BMPER: variants seen among roughly 807,000 people sequenced by gnomAD.
The protein encoded by BMPER is BMP binding endothelial regulator, also known as BMP-binding endothelial regulator protein.
BMPER carries 45 observed loss-of-function variants against 87.3 expected under a neutral mutation model. That is an observed-to-expected ratio of 0.52 (90% CI 0.41 to 0.66). The LOEUF (loss-of-function observed/expected upper bound fraction) is 0.66. Among genes scored for constraint, BMPER ranks in the 30% least tolerant of loss-of-function variants. BMPER has a pLI of 0.00. For synonymous variants in BMPER, 326 were observed against 316.2 expected (o/e 1.03, Z -0.33); for missense variants, 784 against 867.5 (o/e 0.90, Z 1.21).
chr7:33,992,090 T>A (rs553142674), intron 6 of BMPER, among the ~76,000 whole-genome samples: 27 of 152,204 alleles, frequency 1.8e-4, no homozygotes, highest in African/African-American at 6.3e-4. Flanking sequence ...TAAAGTATAT[T>A]CTGTTGATTT....
At chr7:34,110,732 A>C (rs899463872) in intron 13 of BMPER, among the ~76,000 whole-genome samples, 1 of 152,202 alleles carries the variant, frequency 6.6e-6, no homozygotes, top group Non-Finnish European at 1.5e-5. Flanking sequence ...CCCCAAAACT[A>C]TTCTTTCCAA....
intron 13 of BMPER, among the ~76,000 whole-genome samples, chr7:34,110,204 C>T (rs1789923623): frequency 6.6e-6 from 1 of 152,108 alleles, no homozygotes; most frequent in African/African-American, 2.4e-5. Context: ...TTCTCGTGGG[C>T]AAAGGACACC....
At chr7:33,943,952 G>A (rs1226054017) in intron 3 of BMPER, among the ~76,000 whole-genome samples, 2 of 152,062 alleles carry the variant, frequency 1.3e-5, no homozygotes, top group African/African-American at 2.4e-5. Context: ...TTGCTGTTGT[G>A]TTTTCTACAA....
At chr7:34,120,542 G>C (rs910332022) in intron 13 of BMPER, among the ~76,000 whole-genome samples, 1 of 152,126 alleles carries the variant, frequency 6.6e-6, no homozygotes, top group Non-Finnish European at 1.5e-5. Context: ...GGAATTACAG[G>C]CGTGCACCAT....
intron 13 of BMPER, among the ~76,000 whole-genome samples, chr7:34,090,377 T>C (rs1212865752): frequency 6.6e-6 from 1 of 152,196 alleles, no homozygotes; most frequent in East Asian, 1.9e-4. Context: ...CTTTTTCATC[T>C]CATATTCATC....
chr7:33,918,812 G>A (rs1408134914), intron 2 of BMPER, among the ~76,000 whole-genome samples: 1 of 152,120 alleles, frequency 6.6e-6, no homozygotes, highest in Non-Finnish European at 1.5e-5. Context: ...TCAGCTAGCC[G>A]CAGCTCCATT....
At chr7:33,962,500 T>C (rs181001115) in intron 3 of BMPER, among the ~76,000 whole-genome samples, 3 of 152,304 alleles carry the variant, frequency 2.0e-5, no homozygotes, top group Admixed American at 1.3e-4. Context: ...TTGTAGGATG[T>C]TTAGCATCAT....
chr7:33,974,648 A>G, intron 5 of BMPER, 54 bp from the exon 6 acceptor site: 1 of 1,535,180 alleles, frequency 6.5e-7, no homozygotes, highest in Non-Finnish European at 9.0e-7. Context: ...GGATTGTGTC[A>G]GGTTGAACGA....
At chr7:34,117,328 G>C (rs570540114) in intron 13 of BMPER, among the ~76,000 whole-genome samples, 179 of 152,212 alleles carry the variant, frequency 1.2e-3, no homozygotes, top group Non-Finnish European at 2.1e-3. Flanking sequence ...AGACCACCAG[G>C]ATCAAAAGTA....
chr7:34,129,630 G>GAGAAAGAGAGAAAGAAAGAA (rs1790515715), intron 13 of BMPER, among the ~76,000 whole-genome samples: 107 of 56,304 alleles, frequency 1.9e-3, no homozygotes, highest in African/African-American at 7.2e-3. Flanking sequence ...GAGAGAAAGA[G>GAGAAAGAGAGAAAGAAAGAA]AGAAAGAAAG....
intron 10 of BMPER, among the ~76,000 whole-genome samples, chr7:34,058,829 A>G (rs67596859): frequency 0.2 from 30,452 of 152,096 alleles, 3,121 homozygotes; most frequent in Middle Eastern, 0.25. Flanking sequence ...AACCTATTCA[A>G]CACCTTCCCG....
intron 6 of BMPER, among the ~76,000 whole-genome samples, chr7:34,040,002 C>G (rs1296677931): frequency 1.3e-5 from 2 of 152,058 alleles, no homozygotes; most frequent in East Asian, 3.9e-4. Context: ...GTTATTGTGA[C>G]AATGCCACCT....
intron 14 of BMPER, 97 bp downstream of exon 14, chr7:34,143,457 T>G: frequency 6.5e-7 from 1 of 1,534,526 alleles, no homozygotes. Context: ...AGTGGCCACA[T>G]GCCCCCTTGC....
intron 13 of BMPER, among the ~76,000 whole-genome samples, chr7:34,114,169 CAT>C (rs894472792): frequency 6.6e-6 from 1 of 152,214 alleles, no homozygotes; most frequent in Non-Finnish European, 1.5e-5. Context: ...AACATCTGCA[CAT>C]GTTTTTCCAG....
At position 34,129,577 on chromosome 7, in the gene BMPER, G is replaced by GA. The variant is rs1195963861; in HGVS notation, c.1746-13653_1746-13652insA. Among the ~76,000 whole-genome samples, 105 of 47,754 alleles carry GA rather than the reference G, an allele frequency of 2.2e-3. 1 individual carries two copies. The Middle Eastern group carries it at 0.06, about 27-fold the overall frequency. 31.3% of individuals were successfully genotyped at this position (47,754 alleles called of 152,430 possible). The stretch of plus-strand genomic sequence containing the variant: ...GAAAGAAAAGGAAGGAAGGAAGGAA[G>GA]GAGAGAGAGAGAGAGAGAGAGAGAG... On this transcript the variant is annotated intron_variant, in intron 13 of 14. Coordinates refer to ENST00000649409, the MANE Select transcript of BMPER (RefSeq NM_001365308.1).
intron 6 of BMPER, among the ~76,000 whole-genome samples, chr7:33,991,408 G>T (rs1786213519): frequency 6.6e-6 from 1 of 152,022 alleles, no homozygotes; most frequent in Non-Finnish European, 1.5e-5. Context: ...TTGCGTAGAG[G>T]TGTTTGTAGT....
chr7:33,928,465 GGTT>G (rs1469119636), intron 2 of BMPER, among the ~76,000 whole-genome samples: 1 of 151,782 alleles, frequency 6.6e-6, no homozygotes, highest in Admixed American at 6.6e-5. Context: ...TTTATTTGGT[GGTT>G]GTTTTTTTTT....
chr7:33,923,331 G>A (rs1037282193), intron 2 of BMPER, among the ~76,000 whole-genome samples: 24 of 152,080 alleles, frequency 1.6e-4, no homozygotes, highest in Admixed American at 2.6e-4. Context: ...ACACACACCC[G>A]TCTGTAATAC....
At chr7:34,063,680 A>G (rs1305530503) in intron 11 of BMPER, among the ~76,000 whole-genome samples, 1 of 152,218 alleles carries the variant, frequency 6.6e-6, no homozygotes, top group Non-Finnish European at 1.5e-5. Context: ...CACGTGTACA[A>G]TCTAATACAT....
Sources: gnomAD v4.1 joint callset for allele counts (sites outside exome capture counted in the v4.1 genomes callset) on GRCh38, gnomAD v4.1.1 for gene constraint, MANE v1.5 for transcripts, NCBI Gene and HGNC (gene_info 2026-07-23, HGNC 2026-07-21) for gene names.